The following AMZ2 variants were observed in gnomAD, a reference collection of about 807,000 sequenced individuals.
AMZ2 encodes the protein archaelysin family metallopeptidase 2, also known as archaemetzincin-2.
In AMZ2, 26 loss-of-function variants were observed where a neutral mutation model predicts 36.7. The observed-to-expected ratio is 0.71, with a 90% confidence interval of 0.52 to 0.98. AMZ2 has a LOEUF of 0.98. Among genes scored for constraint, AMZ2 ranks in the 50% least tolerant of loss-of-function variants. The probability of loss-of-function intolerance (pLI) is 0.00; values close to 1 mark genes in which losing one functional copy is unlikely to be tolerated. For synonymous variants in AMZ2, 144 were observed against 149.1 expected (o/e 0.97, Z 0.25); for missense variants, 394 against 430.5 (o/e 0.92, Z 0.75).
upstream of AMZ2, among the ~76,000 whole-genome samples, chr17:68,245,917 G>A (rs1385736541): frequency 2.0e-5 from 3 of 152,092 alleles, no homozygotes; most frequent in Non-Finnish European, 4.4e-5. Flanking sequence ...TGACAACTAA[G>A]CTAAAGAAGC....
At chr17:68,254,845 G>A (rs2074775831) in intron 5 of AMZ2, among the ~76,000 whole-genome samples, 1 of 152,154 alleles carries the variant, frequency 6.6e-6, no homozygotes, top group Non-Finnish European at 1.5e-5. Flanking sequence ...GGTATGAGTG[G>A]GTAACCTACT....
intron 1 of AMZ2, among the ~76,000 whole-genome samples, chr17:68,232,396 T>C (rs2144605548): frequency 6.8e-6 from 1 of 147,974 alleles, no homozygotes; most frequent in South Asian, 2.1e-4. Context: ...CTCAGGAGGC[T>C]AAAGCAGGAG....
In AMZ2 at chr17:68,235,404, C is replaced by CTT. The variant is rs1196479603; in HGVS notation, c.-66-13235_-66-13234insTT. Among the ~76,000 whole-genome samples the CTT allele has an allele frequency of 1.3e-5, 2 of 152,066 alleles. No homozygotes were observed. Among genetic ancestry groups the CTT allele is most frequent in the East Asian group, 3.9e-4 (2 of 5,180 alleles). Reference sequence around the variant, plus strand: ...TTGTTCATACCCCTGGATAAACACACTGAGTCCCAGGGAGGTAAAGTGCCT... The same window carrying CTT: ...TTGTTCATACCCCTGGATAAACACACTTTGAGTCCCAGGGAGGTAAAGTGCCT... On this transcript the variant is annotated intron_variant, in intron 1 of 7. Coordinates refer to the AMZ2 transcript ENST00000674770. The surrounding 1 kb of genome is among the most constrained non-coding windows in gnomAD (Gnocchi z 4.2).
At chr17:68,227,032 T>C (rs2073532982) in intron 1 of AMZ2, among the ~76,000 whole-genome samples, 1 of 151,488 alleles carries the variant, frequency 6.6e-6, no homozygotes, top group South Asian at 2.1e-4. Context: ...CTTCTATGGC[T>C]TCGGGCACCG....
At chr17:68,228,232 A>T (rs116281970) in intron 1 of AMZ2, among the ~76,000 whole-genome samples, 3,275 of 151,720 alleles carry the variant, frequency 0.022, 111 homozygotes, top group African/African-American at 0.074. Flanking sequence ...TGGTGCTCCT[A>T]CCCTTTCCTG....
At chr17:68,244,952 T>C (rs191879224), upstream of AMZ2, among the ~76,000 whole-genome samples, 23 of 152,330 alleles carry the variant, frequency 1.5e-4, no homozygotes, top group African/African-American at 5.5e-4. Context: ...TCTGTGCTGA[T>C]TTGTAAAAGC....
chr17:68,211,705 T>C (rs1344594067), intron 1 of AMZ2, among the ~76,000 whole-genome samples: 2 of 131,858 alleles, frequency 1.5e-5, no homozygotes, highest in Admixed American at 1.5e-4. Context: ...TATATGTATA[T>C]ATGTATATGT....
rs797022843 is a variant in AMZ2 at position 68,221,226 on chromosome 17, C to A, written c.-67+14988C>A. Among the ~76,000 whole-genome samples, 139 of 113,228 alleles carry A rather than the reference C, an allele frequency of 1.2e-3. 11 individuals carry two copies. Among genetic ancestry groups the A allele is most frequent in the African/African-American group, 5.0e-3 (134 of 26,870 alleles). 74.3% of individuals were successfully genotyped at this position (113,228 alleles called of 152,430 possible). A position where few individuals can be genotyped will look rare whatever the true frequency, so the allele number is the denominator to read the frequency against. ...CCCTCAGCTCCCCCCCCCGCCCCCC[C>A]GGTAGCTAGGACCCCAAGTGCATGC... On this transcript the variant is annotated intron_variant, in intron 1 of 7. Coordinates refer to the AMZ2 transcript ENST00000674770.
At position 68,250,787 on chromosome 17, in the gene AMZ2, A is replaced by T; in HGVS notation, c.284-7A>T. ...AGTCTGTTTTTAAATGTTCTTCCATATTGTAGGCTCTCTAGGAAACACCAG... is the reference window on the plus strand; with the variant it reads ...AGTCTGTTTTTAAATGTTCTTCCATTTTGTAGGCTCTCTAGGAAACACCAG... On this transcript the variant is annotated splice_polypyrimidine_tract_variant and splice_region_variant and intron_variant, in intron 2 of 6. Coordinates refer to ENST00000359904, the MANE Select transcript of AMZ2 (RefSeq NM_016627.5). 1.3e-6 allele frequency: 2 copies of T among 1,562,910 alleles called. No homozygotes were observed. The highest frequency in any genetic ancestry group is 1.7e-6 in the Non-Finnish European group (2 of 1,161,574).
intron 1 of AMZ2, among the ~76,000 whole-genome samples, chr17:68,241,882 C>T (rs1160822626): frequency 1.3e-5 from 2 of 150,674 alleles, no homozygotes; most frequent in African/African-American, 4.9e-5. Flanking sequence ...CACCACCACA[C>T]CTGGCTAATT....
At chr17:68,253,684 C>G (rs1291624828) in intron 4 of AMZ2, among the ~76,000 whole-genome samples, 1 of 152,076 alleles carries the variant, frequency 6.6e-6, no homozygotes, top group Non-Finnish European at 1.5e-5. Flanking sequence ...CCAGCAACCC[C>G]TCCAGACACA....
At chr17:68,229,829 G>A (rs531165247) in intron 1 of AMZ2, among the ~76,000 whole-genome samples, 49 of 152,326 alleles carry the variant, frequency 3.2e-4, no homozygotes, top group African/African-American at 1.1e-3. Context: ...GAGTCCGGAG[G>A]ATGGCTGGGT....
chr17:68,243,301 ATTG>A (rs2073941383), upstream of AMZ2, among the ~76,000 whole-genome samples: 1 of 151,928 alleles, frequency 6.6e-6, no homozygotes, highest in Non-Finnish European at 1.5e-5. Context: ...TGCCTGGCTA[ATTG>A]TTGTATTTTT....
chr17:68,209,474 G>A (rs1238540383), intron 1 of AMZ2, among the ~76,000 whole-genome samples: 3 of 151,514 alleles, frequency 2.0e-5, no homozygotes, highest in South Asian at 2.1e-4. Context: ...GATTACAGGC[G>A]TGAGCCACTA....
chr17:68,210,485 T>G (rs1197120408), intron 1 of AMZ2, among the ~76,000 whole-genome samples: 2 of 152,118 alleles, frequency 1.3e-5, no homozygotes, highest in African/African-American at 4.8e-5. Context: ...GTGTTCAAAT[T>G]GGTAAAGACA....
At chr17:68,249,712 T>G (rs2074299627) in intron 1 of AMZ2, 1 of 159,218 alleles carries the variant, frequency 6.3e-6, no homozygotes, top group South Asian at 1.7e-4. Context: ...AGTGGCACAG[T>G]CATGGCTCAC....
intron 1 of AMZ2, among the ~76,000 whole-genome samples, chr17:68,209,960 A>C (rs1269761824): frequency 5.3e-5 from 8 of 152,124 alleles, no homozygotes; most frequent in Admixed American, 4.6e-4. Context: ...AATATTATAA[A>C]ATTAAAACCC....
intron 1 of AMZ2, among the ~76,000 whole-genome samples, chr17:68,233,286 A>C (rs535230328): frequency 6.6e-6 from 1 of 152,180 alleles, no homozygotes; most frequent in Non-Finnish European, 1.5e-5. Flanking sequence ...AGGCAAGTGA[A>C]TCACCTGAGG....
chr17:68,226,116 C>T (rs1277732968), intron 1 of AMZ2, among the ~76,000 whole-genome samples: 1 of 152,020 alleles, frequency 6.6e-6, no homozygotes, highest in Non-Finnish European at 1.5e-5. Context: ...CTGGCAAATC[C>T]GACTGGCCCG....
Sources: allele counts gnomAD v4.1 joint callset (sites outside exome capture counted in the v4.1 genomes callset), GRCh38; gene constraint gnomAD v4.1.1; non-coding constraint Gnocchi (gnomAD v3.1); transcripts MANE v1.5; gene names NCBI Gene and HGNC (gene_info 2026-07-23, HGNC 2026-07-21).